Variants in SLC39A11 observed in about 807,000 individuals in gnomAD.
SLC39A11 encodes the protein solute carrier family 39 member 11.
In SLC39A11, 33 loss-of-function variants were observed where a neutral mutation model predicts 36.1. The ratio of observed to expected loss-of-function variants is 0.91; its 90% confidence interval spans 0.69 to 1.22. The LOEUF (loss-of-function observed/expected upper bound fraction) is 1.22. Ranked by LOEUF, SLC39A11 falls within the 50% of genes most tolerant of loss-of-function variation. The pLI is 0.00. For missense variants in SLC39A11, 432 were observed against 430.3 expected, an observed-to-expected ratio of 1.00 and a Z score of -0.03; for synonymous variants, 166 against 170.3, an observed-to-expected ratio of 0.97 and a Z score of 0.20.
intron 4 of SLC39A11, among the ~76,000 whole-genome samples, chr17:73,003,675 G>A (rs1233569909): frequency 6.6e-6 from 1 of 152,156 alleles, no homozygotes; most frequent in Non-Finnish European, 1.5e-5. Context: ...CTGAGCCAGG[G>A]GTGAGGTGGC....
At chr17:72,864,571 G>A (rs1351434138) in intron 5 of SLC39A11, among the ~76,000 whole-genome samples, 1 of 152,118 alleles carries the variant, frequency 6.6e-6, no homozygotes, top group African/African-American at 2.4e-5. Flanking sequence ...AGATACACAT[G>A]GAAAACGTGT....
intron 6 of SLC39A11, among the ~76,000 whole-genome samples, chr17:72,745,016 A>G (rs991796300): frequency 6.6e-6 from 1 of 151,876 alleles, no homozygotes; most frequent in African/African-American, 2.4e-5. Context: ...TAATTTTTGT[A>G]TTTCTAGTAG....
rs148318684 is a variant in SLC39A11 at position 72,947,395 on chromosome 17, C to T, written c.430+357G>A. 1.1e-5 allele frequency: 3 copies of T among 262,640 alleles called. No individual in the cohort carries two copies. In the East Asian group the frequency reaches 2.3e-4, roughly 20 times the overall value. The allele number at this position is 262,640 out of a possible 1,614,324, so 16.3% of individuals were successfully genotyped here. A position where few individuals can be genotyped will look rare whatever the true frequency, so the allele number is the denominator to read the frequency against. On this transcript the variant is annotated intron_variant, in intron 5 of 9. Transcript: ENST00000255559. Reference sequence around the variant, plus strand: ...TACAACACAAATGAAAAGGAGTATTCAGGGTTCATCAGAGAGGGGGACACT... The same window carrying T: ...TACAACACAAATGAAAAGGAGTATTTAGGGTTCATCAGAGAGGGGGACACT...
intron 6 of SLC39A11, among the ~76,000 whole-genome samples, chr17:72,784,217 T>C (rs549201866): frequency 6.6e-6 from 1 of 152,222 alleles, no homozygotes; most frequent in South Asian, 2.1e-4. Context: ...TGGTGGCGCA[T>C]GCCTGTAATC....
chr17:73,053,469 A>G (rs562354809), intron 3 of SLC39A11, among the ~76,000 whole-genome samples: 13 of 152,326 alleles, frequency 8.5e-5, no homozygotes, highest in Admixed American at 3.3e-4. Context: ...ATAGTCATCA[A>G]CATGTATTGA....
chr17:73,089,675 C>T (rs1432739509), intron 1 of SLC39A11: 2 of 152,080 alleles, frequency 1.3e-5, no homozygotes, highest in Non-Finnish European at 2.9e-5. Context: ...CTTTGTAACC[C>T]CTGAAAAATA....
At chr17:73,047,818 A>C (rs931698102) in intron 3 of SLC39A11, among the ~76,000 whole-genome samples, 3 of 151,192 alleles carry the variant, frequency 2.0e-5, no homozygotes, top group African/African-American at 7.3e-5. Context: ...AAATACAAAA[A>C]TTAGCTGGGC....
rs1489635268 is a variant in SLC39A11, at chr17:72,670,045, C to CATATA, written c.672-20778_672-20777insTATAT. ...ATAGATGTATATACACATATATATA[C>CATATA]GTATAGATGTATATACACATATATA... On this transcript the variant is annotated intron_variant, in intron 7 of 9. Coordinates refer to ENST00000255559, the MANE Select transcript of SLC39A11 (RefSeq NM_139177.4). Among the ~76,000 whole-genome samples the CATATA allele has an allele frequency of 6.0e-4, 85 of 142,408 alleles. 5 individuals carry two copies. Among genetic ancestry groups the CATATA allele is most frequent in the African/African-American group, 2.1e-3 (79 of 38,392 alleles). 93.4% of individuals were successfully genotyped at this position (142,408 alleles called of 152,430 possible). A position where few individuals can be genotyped will look rare whatever the true frequency, so the allele number is the denominator to read the frequency against.
At chr17:73,057,513 G>A (rs192992035) in intron 3 of SLC39A11, among the ~76,000 whole-genome samples, 2 of 152,242 alleles carry the variant, frequency 1.3e-5, no homozygotes, top group East Asian at 3.9e-4. Context: ...ACAAATAAAA[G>A]TGATTTATAA....
At chr17:72,771,291 C>G (rs1598653384) in intron 6 of SLC39A11, among the ~76,000 whole-genome samples, 1 of 149,376 alleles carries the variant, frequency 6.7e-6, no homozygotes, top group African/African-American at 2.5e-5. Flanking sequence ...GCTGAGGTTG[C>G]AGTGAGCCGA....
At chr17:72,950,016 G>A (rs1025845602) in intron 4 of SLC39A11, among the ~76,000 whole-genome samples, 1 of 150,040 alleles carries the variant, frequency 6.7e-6, no homozygotes. Flanking sequence ...TTTTTTCACT[G>A]TCATGATGAT....
intron 4 of SLC39A11, among the ~76,000 whole-genome samples, 170 bp from the exon 5 acceptor site, chr17:72,948,045 T>C (rs563770038): frequency 6.6e-6 from 1 of 152,216 alleles, no homozygotes; most frequent in East Asian, 1.9e-4. Flanking sequence ...TTCAGGAAGA[T>C]GACAAACTTT....
intron 6 of SLC39A11, among the ~76,000 whole-genome samples, chr17:72,809,520 C>T (rs1046926439): frequency 6.6e-6 from 1 of 152,100 alleles, no homozygotes; most frequent in Non-Finnish European, 1.5e-5. Context: ...TTTGCAATCA[C>T]CTGGACTCCA....
At chr17:72,917,557 C>A (rs180808204) in intron 5 of SLC39A11, among the ~76,000 whole-genome samples, 1 of 152,228 alleles carries the variant, frequency 6.6e-6, no homozygotes, top group Non-Finnish European at 1.5e-5. Context: ...ATGCAAGACA[C>A]TGAAATGTCT....
At position 72,649,077 on chromosome 17, in the gene SLC39A11, G is replaced by C; in HGVS notation, c.770+93C>G. On this transcript the variant is annotated intron_variant, in intron 8 of 9. Coordinates refer to ENST00000255559, the MANE Select transcript of SLC39A11 (RefSeq NM_139177.4). The stretch of plus-strand genomic sequence containing the variant: ...ATGCATGCCATTCTACGTCATATCT[G>C]AGCATGGCAGTGCAAAAGCACATCA... The C allele has an allele frequency of 3.3e-6, 5 of 1,537,676 alleles. No homozygotes were observed. In the Admixed American group the frequency reaches 8.9e-5, roughly 27 times the overall value.
At chr17:72,860,023 AG>A (rs2079882998) in intron 5 of SLC39A11, among the ~76,000 whole-genome samples, 1 of 68,142 alleles carries the variant, frequency 1.5e-5, no homozygotes, top group Non-Finnish European at 2.9e-5. Context: ...AGGGGAGGGG[AG>A]GGGAGGGGAG....
rs543988819 is a variant in SLC39A11, at chr17:72,857,915, T to C, written c.431-8111A>G. On this transcript the variant is annotated intron_variant, in intron 5 of 9. Coordinates refer to ENST00000255559, the MANE Select transcript of SLC39A11 (RefSeq NM_139177.4). ...CATAGTTTGCAAAAATTTTCTCCCA[T>C]TCTGTAGGTTGTCTGTTTACTCTGT... 4.9e-4 allele frequency among the ~76,000 whole-genome samples: 75 copies of C among 152,362 alleles called. No homozygotes were observed. In the South Asian group the frequency reaches 0.015, roughly 30 times the overall value.
At chr17:72,923,917 G>A (rs2147301386) in intron 5 of SLC39A11, among the ~76,000 whole-genome samples, 1 of 152,172 alleles carries the variant, frequency 6.6e-6, no homozygotes, top group East Asian at 1.9e-4. Flanking sequence ...GGCTGAGGCG[G>A]GCTGATCTTT....
At chr17:73,076,293 A>T (rs2060317735) in intron 3 of SLC39A11, among the ~76,000 whole-genome samples, 1 of 152,178 alleles carries the variant, frequency 6.6e-6, no homozygotes, top group Admixed American at 6.5e-5. Context: ...ATTAAGAAAA[A>T]ATGATTAACA....
Sources: gnomAD v4.1 joint callset for allele counts (sites outside exome capture counted in the v4.1 genomes callset) on GRCh38, gnomAD v4.1.1 for gene constraint, MANE v1.5 for transcripts, NCBI Gene and HGNC (gene_info 2026-07-23, HGNC 2026-07-21) for gene names.